The following PPP2CA variants were observed in gnomAD, a reference collection of about 807,000 sequenced individuals.
The protein encoded by PPP2CA is protein phosphatase 2 catalytic subunit alpha, also known as serine/threonine-protein phosphatase 2A catalytic subunit alpha isoform.
A neutral mutation model predicts 38.8 loss-of-function variants in PPP2CA; 5 were observed. The ratio of observed to expected loss-of-function variants is 0.13; its 90% CI spans 0.07 to 0.27. PPP2CA has a LOEUF of 0.27. PPP2CA is among the 10% of genes least tolerant of loss of function. PPP2CA has a pLI of 1.00. For synonymous variants in PPP2CA, 152 were observed against 134.0 expected (o/e 1.13, Z -0.93); for missense variants, 88 against 389.7 (o/e 0.23, Z 6.52).
intron 2 of PPP2CA, chr5:134,205,512 G>A (rs552933544): frequency 1.5e-4 from 26 of 170,372 alleles, no homozygotes; most frequent in African/African-American, 5.9e-4. Context: ...CTCCAGAGTA[G>A]CTGGGATTAC....
At chr5:134,204,754 C>T (rs577125572) in intron 2 of PPP2CA, among the ~76,000 whole-genome samples, 1 of 152,226 alleles carries the variant, frequency 6.6e-6, no homozygotes, top group East Asian at 1.9e-4. Flanking sequence ...TGAACCACTG[C>T]ACCCAGCCTA....
chr5:134,224,108 T>C (rs1762505288), intron 1 of PPP2CA: 1 of 300,846 alleles, frequency 3.3e-6, no homozygotes, highest in South Asian at 2.7e-5. Flanking sequence ...ACTAGTCAAC[T>C]GGCCAACTAC....
intron 2 of PPP2CA, among the ~76,000 whole-genome samples, chr5:134,204,633 T>A (rs1044874807): frequency 7.2e-5 from 11 of 152,016 alleles, no homozygotes; most frequent in Non-Finnish European, 4.4e-5. Flanking sequence ...GCTATTTTTT[T>A]TAACTTTTTG....
chr5:134,199,276 G>GA (rs1315205491), intron 5 of PPP2CA, 72 bp from the exon 6 acceptor site: 12 of 1,161,980 alleles, frequency 1.0e-5, no homozygotes, highest in Non-Finnish European at 1.4e-5. Flanking sequence ...ACTCAAGAGA[G>GA]AAAAAAATCT....
intron 2 of PPP2CA, chr5:134,202,551 A>C (rs1441121212): frequency 2.0e-5 from 3 of 153,172 alleles, no homozygotes; most frequent in African/African-American, 7.2e-5. Flanking sequence ...GGCATAGATC[A>C]GTGGTTTGTT....
intron 1 of PPP2CA, among the ~76,000 whole-genome samples, chr5:134,222,068 T>C (rs377563681): frequency 1.3e-5 from 2 of 152,198 alleles, no homozygotes; most frequent in East Asian, 3.9e-4. Context: ...ACACTACCTC[T>C]GAAAACAGAA....
chr5:134,196,476 A>C lies in PPP2CA; in HGVS notation c.*1296T>G, dbSNP rs912311223. ...TTGTCTTCGGGTGAATGTACATAAGACTAAATCATGATCCAACAATAGTTT... is the reference window on the plus strand; with the variant it reads ...TTGTCTTCGGGTGAATGTACATAAGCCTAAATCATGATCCAACAATAGTTT... On this transcript the variant is annotated 3_prime_UTR_variant, in exon 7 of 7. Coordinates refer to ENST00000481195, the MANE Select transcript of PPP2CA (RefSeq NM_002715.4). 2 of 152,220 alleles carry C rather than the reference A, an allele frequency of 1.3e-5. No homozygotes were observed. The highest frequency in any genetic ancestry group is 2.9e-5 in the Non-Finnish European group (2 of 68,034). The allele number at this position is 152,220 out of a possible 1,614,324, so 9.4% of individuals were successfully genotyped here.
At chr5:134,202,228 A>G (rs1174179400) in intron 2 of PPP2CA, 3 of 470,798 alleles carry the variant, frequency 6.4e-6, no homozygotes, top group African/African-American at 4.1e-5. Flanking sequence ...CTAAAATCAA[A>G]CTCCCTCTAC....
At chr5:134,217,890 C>T (rs1762355216) in intron 1 of PPP2CA, among the ~76,000 whole-genome samples, 1 of 152,212 alleles carries the variant, frequency 6.6e-6, no homozygotes, top group African/African-American at 2.4e-5. Flanking sequence ...TAGCCTATTG[C>T]TCCTAGGCTA....
intron 1 of PPP2CA, chr5:134,225,517 AC>A (rs1174384735): frequency 2.3e-6 from 1 of 440,274 alleles, no homozygotes; most frequent in Non-Finnish European, 4.1e-6. Context: ...AGGCCGGCTG[AC>A]TCAAAAGCCC....
chr5:134,201,887 A>T lies in PPP2CA; in HGVS notation c.447T>A (p.Leu149=). 6.2e-7 allele frequency: 1 copy of T among 1,613,946 alleles called. No individual in the cohort carries two copies. The highest frequency in any genetic ancestry group is 8.5e-7 in the Non-Finnish European group (1 of 1,179,954). Residue 149 remains leucine (L), a synonymous_variant, in exon 3 of 7, where the codon CTT becomes CTA. Transcript: ENST00000481195. ...AGGCAGTGAGAGGAAGATAGTCAAA[A>T]AGATCTGTAAAATATTTCCAAACAT... ...NANVWKYFTD[L]FDYLPLTALV...
chr5:134,207,591 CAGA>C (rs1762111370), intron 1 of PPP2CA, among the ~76,000 whole-genome samples: 1 of 152,170 alleles, frequency 6.6e-6, no homozygotes, highest in Non-Finnish European at 1.5e-5. Context: ...CCAGGAGTTC[CAGA>C]CCAGCCTGGA....
At chr5:134,201,106 C>A (rs757383758) in intron 3 of PPP2CA, 32 bp from the exon 4 acceptor site, 3 of 1,533,300 alleles carry the variant, frequency 2.0e-6, no homozygotes, top group South Asian at 2.2e-5. Flanking sequence ...GTTAACCTCA[C>A]CTAAAAAATT....
In PPP2CA at chr5:134,194,647, T is replaced by C. The variant is rs762971803; in HGVS notation, c.*3125A>G. ...TTTTTGAGATGGAGTTTTGCTCTTT[T>C]TGCCCAGGCTGGAGTGCAATGGCAC... On this transcript the variant is annotated 3_prime_UTR_variant, in exon 7 of 7. Coordinates refer to ENST00000481195, the MANE Select transcript of PPP2CA (RefSeq NM_002715.4). 2 of 152,304 alleles carry C rather than the reference T, an allele frequency of 1.3e-5. No individual in the cohort carries two copies. The highest frequency in any genetic ancestry group is 1.9e-4 in the East Asian group (1 of 5,192). The allele number at this position is 152,304 out of a possible 1,614,324, so 9.4% of individuals were successfully genotyped here.
intron 4 of PPP2CA, among the ~76,000 whole-genome samples, chr5:134,200,740 T>C (rs1761952127): frequency 6.6e-6 from 1 of 152,224 alleles, no homozygotes. Context: ...AATCTGCCTA[T>C]ATTATGCAAA....
intron 1 of PPP2CA, among the ~76,000 whole-genome samples, chr5:134,212,467 C>CT (rs1441123271): frequency 6.6e-6 from 1 of 152,182 alleles, no homozygotes; most frequent in Non-Finnish European, 1.5e-5. Flanking sequence ...TATATTCTTA[C>CT]TGCTGCTGAC....
intron 1 of PPP2CA, among the ~76,000 whole-genome samples, chr5:134,211,904 G>A (rs184751654): frequency 6.6e-6 from 1 of 152,222 alleles, no homozygotes; most frequent in Non-Finnish European, 1.5e-5. Context: ...AATCACTTGA[G>A]GTCGGGAGTT....
intron 2 of PPP2CA, among the ~76,000 whole-genome samples, chr5:134,204,544 T>C (rs967214384): frequency 6.6e-6 from 1 of 152,192 alleles, no homozygotes; most frequent in Non-Finnish European, 1.5e-5. Context: ...CACTGTAGCC[T>C]TGACCTCCCA....
intron 1 of PPP2CA, among the ~76,000 whole-genome samples, chr5:134,223,622 T>C (rs1470761987): frequency 6.6e-6 from 1 of 152,226 alleles, no homozygotes; most frequent in Non-Finnish European, 1.5e-5. Context: ...CACTACATCT[T>C]AGTTTTACAA....
Sources: gnomAD v4.1 joint callset for allele counts (sites outside exome capture counted in the v4.1 genomes callset) on GRCh38, gnomAD v4.1.1 for gene constraint, MANE v1.5 for transcripts, NCBI Gene and HGNC (gene_info 2026-07-23, HGNC 2026-07-21) for gene names.